Variants in LMO7 observed in about 807,000 individuals in gnomAD.
LMO7 encodes the protein LIM domain only protein 7.
A neutral mutation model predicts 206.5 loss-of-function variants in LMO7; 120 were observed. The observed-to-expected ratio is 0.58, with a 90% CI of 0.50 to 0.68. LMO7 has a LOEUF of 0.68. LMO7 is among the 30% of genes least tolerant of loss of function. The pLI, the probability that LMO7 is intolerant of heterozygous loss-of-function variation, is 0.00. For missense variants in LMO7, 1,959 were observed against 1,957.9 expected (o/e 1.00, Z -0.01); for synonymous variants, 706 against 681.5 (o/e 1.04, Z -0.56).
rs535507881 is a variant in LMO7, at chr13:75,740,389, G to A, written c.210+13291G>A. Among the ~76,000 whole-genome samples the A allele has an allele frequency of 3.9e-4, 60 of 152,348 alleles. 2 individuals carry two copies. Among genetic ancestry groups the A allele is most frequent in the Admixed American group, 3.5e-3 (53 of 15,302 alleles). On this transcript the variant is annotated intron_variant, in intron 3 of 30. Coordinates refer to ENST00000377534, the MANE Select transcript of LMO7 (RefSeq NM_001306080.2). Reference sequence around the variant, plus strand: ...GGATTGCTTGAGCTCAAGAGTTTGAGGCTACAATGAGCTATGATTGCATCA... The same window carrying A: ...GGATTGCTTGAGCTCAAGAGTTTGAAGCTACAATGAGCTATGATTGCATCA...
intron 1 of LMO7, among the ~76,000 whole-genome samples, chr13:75,645,930 C>T (rs2036967255): frequency 6.6e-6 from 1 of 152,204 alleles, no homozygotes; most frequent in Non-Finnish European, 1.5e-5. Flanking sequence ...CATATATCTT[C>T]TCCACGCTGA....
intron 9 of LMO7, 54 bp downstream of exon 9, chr13:75,805,814 G>C: frequency 6.5e-7 from 1 of 1,539,074 alleles, no homozygotes; most frequent in Non-Finnish European, 8.8e-7. Context: ...TACCCCAGCT[G>C]GGGTTCTATG....
At chr13:75,709,195 G>C (rs150577373) in intron 1 of LMO7, among the ~76,000 whole-genome samples, 70 of 152,278 alleles carry the variant, frequency 4.6e-4, no homozygotes, top group Middle Eastern at 3.4e-3. Flanking sequence ...TCCAGTCTAT[G>C]ATTGTTGGAC....
intron 12 of LMO7, 51 bp from the exon 13 acceptor site, chr13:75,819,342 A>G (rs1488759038): frequency 6.6e-7 from 1 of 1,521,994 alleles, no homozygotes; most frequent in East Asian, 2.3e-5. Context: ...TCTGCTAGAA[A>G]GGGTGTATAG....
intron 7 of LMO7, among the ~76,000 whole-genome samples, chr13:75,801,828 G>T (rs1226210454): frequency 2.0e-5 from 3 of 152,066 alleles, no homozygotes; most frequent in Non-Finnish European, 4.4e-5. Flanking sequence ...ATTTTTCCTA[G>T]CATATCTATG....
chr13:75,737,722 C>T (rs1331730239), intron 3 of LMO7, among the ~76,000 whole-genome samples: 23 of 123,050 alleles, frequency 1.9e-4, no homozygotes, highest in African/African-American at 7.5e-4. Flanking sequence ...CACTGCACTC[C>T]AGCCTGGGCG....
intron 1 of LMO7, among the ~76,000 whole-genome samples, chr13:75,657,172 G>T (rs1220548859): frequency 6.6e-6 from 1 of 152,186 alleles, no homozygotes; most frequent in Non-Finnish European, 1.5e-5. Flanking sequence ...CAGCCTGTGG[G>T]AACAGAGAGG....
chr13:75,790,979 A>AC (rs1183850597), intron 4 of LMO7, among the ~76,000 whole-genome samples: 24 of 132,164 alleles, frequency 1.8e-4, no homozygotes, highest in Middle Eastern at 3.9e-3. Flanking sequence ...TTTCATATCT[A>AC]CCCCTTTTTT....
intron 1 of LMO7, among the ~76,000 whole-genome samples, chr13:75,647,725 A>C (rs1383109010): frequency 6.6e-6 from 1 of 152,198 alleles, no homozygotes; most frequent in Non-Finnish European, 1.5e-5. Context: ...TATTGAGAAC[A>C]GGAAAGTTTC....
At chr13:75,642,908 T>G (rs1373820593) in intron 1 of LMO7, among the ~76,000 whole-genome samples, 1 of 152,226 alleles carries the variant, frequency 6.6e-6, no homozygotes, top group Non-Finnish European at 1.5e-5. Flanking sequence ...TTTCCTCCAG[T>G]GAGGAAGGAT....
In LMO7 at chr13:75,823,759, C is replaced by T; in HGVS notation, c.2835C>T (p.Ser945=). 1 of 1,614,078 alleles carries T rather than the reference C, an allele frequency of 6.2e-7. No individual in the cohort carries two copies. Among genetic ancestry groups the T allele is most frequent in the Non-Finnish European group, 8.5e-7 (1 of 1,179,992 alleles). ...PSPTSPFSSL[S]QDQAATSKAT... ...CTACATCCCCCTTCTCATCTCTTTCCCAAGACCAGGCTGCCACTTCTAAAG... is the reference window on the plus strand; with the variant it reads ...CTACATCCCCCTTCTCATCTCTTTCTCAAGACCAGGCTGCCACTTCTAAAG... Residue 945 remains serine, a synonymous_variant, in exon 15 of 31, where the codon TCC becomes TCT. Coordinates refer to ENST00000377534, the MANE Select transcript of LMO7 (RefSeq NM_001306080.2).
chr13:75,727,854 C>A (rs1353180083), intron 3 of LMO7, among the ~76,000 whole-genome samples: 2 of 151,270 alleles, frequency 1.3e-5, no homozygotes, highest in African/African-American at 4.9e-5. Context: ...CAATTCCCAC[C>A]TTTGAGTGAG....
rs189591937 is a variant in LMO7 at position 75,808,696 on chromosome 13, T to C, written c.1917-458T>C. Among the ~76,000 whole-genome samples, 40 of 152,338 alleles carry C rather than the reference T, an allele frequency of 2.6e-4. No homozygotes were observed. The East Asian group carries it at 7.7e-3, about 29-fold the overall frequency. ...TTGTAACTTATTTTTATTTATGAAG[T>C]TCAGAGTAAACGTTGATGTTAAAAT... On this transcript the variant is annotated intron_variant, in intron 10 of 30. Coordinates refer to ENST00000377534, the MANE Select transcript of LMO7 (RefSeq NM_001306080.2).
At chr13:75,756,548 T>G (rs561163674) in intron 3 of LMO7, among the ~76,000 whole-genome samples, 29 of 152,318 alleles carry the variant, frequency 1.9e-4, no homozygotes, top group African/African-American at 6.7e-4. Flanking sequence ...CCTTGAGTCT[T>G]CATGAAGGAA....
In LMO7 at chr13:75,849,860, T is replaced by A. The variant is rs577926359; in HGVS notation, c.4364+568T>A. ...TGAATGCAGCTACTCTGATTCAGTATTTTCTTATCTGACAGACTGGGGAAT... is the reference window on the plus strand; with the variant it reads ...TGAATGCAGCTACTCTGATTCAGTAATTTCTTATCTGACAGACTGGGGAAT... On this transcript the variant is annotated intron_variant, in intron 27 of 30. Transcript: ENST00000377534. Among the ~76,000 whole-genome samples the A allele has an allele frequency of 2.0e-5, 3 of 152,328 alleles. No individual in the cohort carries two copies. In the East Asian group the frequency reaches 5.8e-4, roughly 29 times the overall value.
intron 11 of LMO7, among the ~76,000 whole-genome samples, chr13:75,810,194 C>G (rs1209913433): frequency 1.3e-5 from 2 of 152,154 alleles, no homozygotes; most frequent in Non-Finnish European, 2.9e-5. Context: ...TTCCACCAAA[C>G]TTTCTGTAAC....
At chr13:75,846,853 A>C (rs1037140775) in intron 26 of LMO7, among the ~76,000 whole-genome samples, 4 of 152,182 alleles carry the variant, frequency 2.6e-5, no homozygotes, top group African/African-American at 4.8e-5. Flanking sequence ...CAACATAGTG[A>C]AACCCCATCT....
At chr13:75,750,967 A>G (rs973971741) in intron 3 of LMO7, among the ~76,000 whole-genome samples, 7 of 152,094 alleles carry the variant, frequency 4.6e-5, no homozygotes, top group African/African-American at 1.4e-4. Flanking sequence ...CTCTGCTTCA[A>G]GTAATAGTTA....
At chr13:75,636,770 C>T (rs969535147) in intron 1 of LMO7, 44 bp downstream of exon 1, 1 of 1,564,570 alleles carries the variant, frequency 6.4e-7, no homozygotes, top group Non-Finnish European at 8.7e-7. Context: ...TGTTGACTGC[C>T]TCGGGGCGGT....
Sources: allele counts gnomAD v4.1 joint callset (sites outside exome capture counted in the v4.1 genomes callset), GRCh38; gene constraint gnomAD v4.1.1; transcripts MANE v1.5; gene names NCBI Gene and HGNC (gene_info 2026-07-23, HGNC 2026-07-21).